BAIAP2L1: variants seen among roughly 807,000 people sequenced by gnomAD.
BAIAP2L1 encodes BAR/IMD domain containing adaptor protein 2 like 1.
A neutral mutation model predicts 66.3 loss-of-function variants in BAIAP2L1; 35 were observed. That is an observed-to-expected ratio of 0.53 (90% CI 0.40 to 0.70). BAIAP2L1 has a LOEUF of 0.70. Ranked by LOEUF, BAIAP2L1 falls within the 30% of genes least tolerant of loss-of-function variation. The probability of loss-of-function intolerance (pLI) is 0.00; values close to 1 mark genes in which losing one functional copy is unlikely to be tolerated. For synonymous variants in BAIAP2L1, 269 were observed against 248.7 expected, an observed-to-expected ratio of 1.08 and a Z score of -0.77; for missense variants, 622 against 656.9, an observed-to-expected ratio of 0.95 and a Z score of 0.58.
At position 98,319,366 on chromosome 7, in the gene BAIAP2L1, G is replaced by A. The variant is rs965302876; in HGVS notation, c.348+692C>T. Among the ~76,000 whole-genome samples the A allele has an allele frequency of 6.6e-5, 10 of 152,274 alleles. No homozygotes were observed. The South Asian group carries it at 1.0e-3, about 16-fold the overall frequency. ...CTCTGCAGATGGGCCAGGGCACACCGGGAGCCCCGGACGGTGCTCTCCCGC... is the reference window on the plus strand; with the variant it reads ...CTCTGCAGATGGGCCAGGGCACACCAGGAGCCCCGGACGGTGCTCTCCCGC... On this transcript the variant is annotated intron_variant, in intron 5 of 13. Coordinates refer to ENST00000005260, the MANE Select transcript of BAIAP2L1 (RefSeq NM_018842.5).
intron 3 of BAIAP2L1, among the ~76,000 whole-genome samples, chr7:98,346,452 C>A (rs1801875032): frequency 6.6e-6 from 1 of 152,128 alleles, no homozygotes; most frequent in African/African-American, 2.4e-5. Flanking sequence ...CCTAAATCCA[C>A]CCGTAAATTC....
At chr7:98,351,428 T>C (rs896974171) in intron 3 of BAIAP2L1, among the ~76,000 whole-genome samples, 2 of 152,154 alleles carry the variant, frequency 1.3e-5, no homozygotes, top group Non-Finnish European at 2.9e-5. Context: ...GGCTCATGCC[T>C]GGGGAGCTTT....
chr7:98,304,655 C>T (rs1800566361), intron 11 of BAIAP2L1, among the ~76,000 whole-genome samples: 2 of 152,086 alleles, frequency 1.3e-5, no homozygotes. Flanking sequence ...TTAAGTGATT[C>T]TTCTGCTTCA....
At chr7:98,382,395 C>T (rs1176116304) in intron 1 of BAIAP2L1, among the ~76,000 whole-genome samples, 1 of 152,054 alleles carries the variant, frequency 6.6e-6, no homozygotes, top group African/African-American at 2.4e-5. Flanking sequence ...CCTGTAATCC[C>T]AGCACTTTGG....
chr7:98,313,716 TCAAA>T (rs1480057430), intron 7 of BAIAP2L1, among the ~76,000 whole-genome samples: 2 of 151,878 alleles, frequency 1.3e-5, no homozygotes, highest in African/African-American at 4.8e-5. Context: ...ACTCCTGGGC[TCAAA>T]CAATCCTTCC....
At position 98,305,047 on chromosome 7, in the gene BAIAP2L1, G is replaced by GTTTTT. The variant is rs59633894; in HGVS notation, c.1242-676_1242-672dup. Among the ~76,000 whole-genome samples the GTTTTT allele has an allele frequency of 9.5e-4, 95 of 100,336 alleles. 2 individuals are homozygous for GTTTTT. Among genetic ancestry groups the GTTTTT allele is most frequent in the East Asian group, 2.1e-3 (6 of 2,804 alleles). The allele number at this position is 100,336 out of a possible 152,430, so 65.8% of individuals were successfully genotyped here. A position where few individuals can be genotyped will look rare whatever the true frequency, so the allele number is the denominator to read the frequency against. ...CGCCCAGCTAATTTTTTTGTTTTTT[G>GTTTTT]TTTTTTTTTTTTTTTTTTTTTTTAG... On this transcript the variant is annotated intron_variant, in intron 11 of 13. Transcript: ENST00000005260.
At chr7:98,329,902 A>T (rs7777415) in intron 3 of BAIAP2L1, among the ~76,000 whole-genome samples, 56,654 of 151,944 alleles carry the variant, frequency 0.37, 12,224 homozygotes, top group Middle Eastern at 0.54. Context: ...CAGAGCCGTA[A>T]GTAAGACACA....
intron 1 of BAIAP2L1, among the ~76,000 whole-genome samples, chr7:98,398,443 C>T (rs1037412136): frequency 6.6e-6 from 1 of 151,212 alleles, no homozygotes; most frequent in Non-Finnish European, 1.5e-5. Context: ...AACTTGTAGT[C>T]TGATGCTGTA....
At chr7:98,318,730 G>A (rs1801154849) in intron 5 of BAIAP2L1, among the ~76,000 whole-genome samples, 2 of 151,358 alleles carry the variant, frequency 1.3e-5, no homozygotes, top group South Asian at 4.3e-4. Context: ...GCACCACGAG[G>A]TCAGAAGTTT....
At chr7:98,325,496 G>C (rs758506085) in intron 3 of BAIAP2L1, among the ~76,000 whole-genome samples, 6 of 152,056 alleles carry the variant, frequency 3.9e-5, no homozygotes, top group African/African-American at 1.4e-4. Flanking sequence ...TGGCCAACAT[G>C]GGAAAACTCC....
At position 98,355,283 on chromosome 7, in the gene BAIAP2L1, A is replaced by G. The variant is rs953591601; in HGVS notation, c.128-155T>C. On this transcript the variant is annotated intron_variant, in intron 2 of 13. Coordinates refer to ENST00000005260, the MANE Select transcript of BAIAP2L1 (RefSeq NM_018842.5). Reference sequence around the variant, plus strand: ...CTCAGGAGGTAAGACCTGTGTTGAGAGTGGTGCCGGGGTGGAGGCCCTCCA... The same window carrying G: ...CTCAGGAGGTAAGACCTGTGTTGAGGGTGGTGCCGGGGTGGAGGCCCTCCA... The G allele has an allele frequency of 6.3e-6, 4 of 639,400 alleles. No individual in the cohort carries two copies. In the African/African-American group the frequency reaches 7.2e-5, roughly 11 times the overall value. The allele number at this position is 639,400 out of a possible 1,614,324, so 39.6% of individuals were successfully genotyped here. A position where few individuals can be genotyped will look rare whatever the true frequency, so the allele number is the denominator to read the frequency against.
At chr7:98,334,137 T>C (rs186806882) in intron 3 of BAIAP2L1, among the ~76,000 whole-genome samples, 14 of 152,296 alleles carry the variant, frequency 9.2e-5, no homozygotes, top group Admixed American at 7.8e-4. Context: ...AGAATAAACA[T>C]GGCCTAAGAT....
intron 12 of BAIAP2L1, among the ~76,000 whole-genome samples, chr7:98,301,595 G>A (rs973160015): frequency 1.3e-5 from 2 of 152,028 alleles, no homozygotes. Flanking sequence ...GGGATTACAG[G>A]CGTGAGCCAC....
intron 3 of BAIAP2L1, among the ~76,000 whole-genome samples, chr7:98,350,452 T>C (rs1801976253): frequency 6.6e-6 from 1 of 151,750 alleles, no homozygotes; most frequent in Non-Finnish European, 1.5e-5. Context: ...GGTCAAGAGA[T>C]TGAGACCAGC....
At chr7:98,304,097 G>A (rs2116838357) in intron 12 of BAIAP2L1, 99 bp downstream of exon 12, 2 of 1,284,688 alleles carry the variant, frequency 1.6e-6, no homozygotes, top group Non-Finnish European at 2.1e-6. Context: ...CTCTCCCCCT[G>A]GGGACAGAGC....
At chr7:98,371,257 C>G (rs1802504654) in intron 1 of BAIAP2L1, among the ~76,000 whole-genome samples, 1 of 152,154 alleles carries the variant, frequency 6.6e-6, no homozygotes, top group Non-Finnish European at 1.5e-5. Flanking sequence ...TACTGCCTGG[C>G]AAGGATACTC....
intron 3 of BAIAP2L1, among the ~76,000 whole-genome samples, chr7:98,329,288 C>T (rs1240932440): frequency 6.6e-6 from 1 of 152,198 alleles, no homozygotes; most frequent in Non-Finnish European, 1.5e-5. Context: ...ACCAGACGGA[C>T]AGGCTGACGC....
At chr7:98,350,082 G>A (rs765721951) in intron 3 of BAIAP2L1, among the ~76,000 whole-genome samples, 6 of 151,732 alleles carry the variant, frequency 4.0e-5, no homozygotes, top group Admixed American at 1.3e-4. Context: ...GCACAGCCCG[G>A]GTTTCAAGGT....
chr7:98,295,846 G>A (rs778533638), intron 12 of BAIAP2L1, among the ~76,000 whole-genome samples: 4 of 152,270 alleles, frequency 2.6e-5, no homozygotes, highest in African/African-American at 2.4e-5. Flanking sequence ...CACAAAGAAC[G>A]CAGCAAGAAG....
Sources: gnomAD v4.1 joint callset for allele counts (sites outside exome capture counted in the v4.1 genomes callset) on GRCh38, gnomAD v4.1.1 for gene constraint, MANE v1.5 for transcripts, NCBI Gene and HGNC (gene_info 2026-07-23, HGNC 2026-07-21) for gene names.